SCAPER: variants seen among roughly 807,000 people sequenced by gnomAD.
The protein encoded by SCAPER is S phase cyclin A-associated protein in the endoplasmic reticulum.
Under a neutral mutation model 182.2 loss-of-function variants are expected in SCAPER, and 98 were observed. That is an observed-to-expected ratio of 0.54 (90% CI 0.46 to 0.64). SCAPER has a LOEUF of 0.64. Among genes scored for constraint, SCAPER ranks in the 30% least tolerant of loss-of-function variants. SCAPER has a pLI of 0.00. For synonymous variants in SCAPER, 605 were observed against 564.6 expected, an observed-to-expected ratio of 1.07 and a Z score of -1.01; for missense variants, 1,432 against 1,690.0, an observed-to-expected ratio of 0.85 and a Z score of 2.68.
At chr15:76,357,184 A>ACACACACACACACACACACC (rs1485814475) in intron 29 of SCAPER, among the ~76,000 whole-genome samples, 6 of 151,388 alleles carry the variant, frequency 4.0e-5, no homozygotes, top group Non-Finnish European at 5.9e-5. Flanking sequence ...ACACACACAC[A>ACACACACACACACACACACC]CACACCCCTA....
chr15:76,865,397 ACTT>A (rs914470603), intron 2 of SCAPER, among the ~76,000 whole-genome samples: 4 of 152,182 alleles, frequency 2.6e-5, no homozygotes, highest in Admixed American at 2.6e-4. Flanking sequence ...TAAATTGGTA[ACTT>A]ATTGCCTATT....
At chr15:76,543,977 C>G (rs545694761) in intron 23 of SCAPER, among the ~76,000 whole-genome samples, 1 of 152,124 alleles carries the variant, frequency 6.6e-6, no homozygotes, top group Non-Finnish European at 1.5e-5. Context: ...AAAAGGACAC[C>G]TACAACTCAA....
intron 23 of SCAPER, among the ~76,000 whole-genome samples, chr15:76,553,386 G>A (rs1041513619): frequency 2.0e-5 from 3 of 152,166 alleles, no homozygotes; most frequent in African/African-American, 4.8e-5. Flanking sequence ...TGGCCAACAC[G>A]TGGACACCCC....
rs527798813 is a variant in SCAPER at position 76,897,909 on chromosome 15, T to G, written c.-60+7390A>C. 2.0e-5 allele frequency among the ~76,000 whole-genome samples: 3 copies of G among 152,186 alleles called. No homozygotes were observed. In the East Asian group the frequency reaches 5.8e-4, roughly 29 times the overall value. Reference sequence around the variant, plus strand: ...AAATTCCAGATATTTCCAGGTGCACTTAGGTAAACAGGTACTACAATGTAA... The same window carrying G: ...AAATTCCAGATATTTCCAGGTGCACGTAGGTAAACAGGTACTACAATGTAA... On this transcript the variant is annotated intron_variant, in intron 1 of 31. Coordinates refer to ENST00000563290, the MANE Select transcript of SCAPER (RefSeq NM_020843.4).
At chr15:76,850,979 G>A (rs928797941) in intron 4 of SCAPER, among the ~76,000 whole-genome samples, 4 of 151,526 alleles carry the variant, frequency 2.6e-5, no homozygotes, top group Non-Finnish European at 5.9e-5. Context: ...GGACAATACA[G>A]GAGCTAAGAA....
At chr15:76,616,124 C>G (rs138893914) in intron 22 of SCAPER, among the ~76,000 whole-genome samples, 1 of 152,176 alleles carries the variant, frequency 6.6e-6, no homozygotes, top group East Asian at 1.9e-4. Context: ...AATTCTACTT[C>G]TGGATATATA....
chr15:76,575,394 T>G (rs1340680390), intron 22 of SCAPER, among the ~76,000 whole-genome samples: 1 of 152,174 alleles, frequency 6.6e-6, no homozygotes, highest in Non-Finnish European at 1.5e-5. Context: ...TTCCTTTCTC[T>G]CTTTTGCTTT....
At chr15:76,788,678 G>C (rs139126146) in intron 8 of SCAPER, among the ~76,000 whole-genome samples, 2 of 151,916 alleles carry the variant, frequency 1.3e-5, no homozygotes, top group South Asian at 4.1e-4. Context: ...TCATAGATAC[G>C]GACTTTGAAA....
intron 28 of SCAPER, among the ~76,000 whole-genome samples, chr15:76,376,887 C>G (rs2042605023): frequency 6.6e-6 from 1 of 152,108 alleles, no homozygotes; most frequent in East Asian, 1.9e-4. Context: ...CATGAAATCC[C>G]TCAGCTATGG....
At chr15:76,542,708 C>T (rs934970295) in intron 23 of SCAPER, among the ~76,000 whole-genome samples, 4 of 151,902 alleles carry the variant, frequency 2.6e-5, no homozygotes, top group African/African-American at 9.6e-5. Flanking sequence ...AAGAATTTTG[C>T]TTTTTTTACT....
intron 21 of SCAPER, among the ~76,000 whole-genome samples, chr15:76,646,940 A>G (rs1359951375): frequency 6.6e-6 from 1 of 152,212 alleles, no homozygotes; most frequent in Non-Finnish European, 1.5e-5. Context: ...TACCTGTATC[A>G]TGAAACCTGG....
chr15:76,456,844 C>A (rs1409190580), intron 25 of SCAPER, among the ~76,000 whole-genome samples: 1 of 152,132 alleles, frequency 6.6e-6, no homozygotes, highest in Non-Finnish European at 1.5e-5. Context: ...TATTAATAGG[C>A]AATGCCTCTT....
chr15:76,445,667 T>C (rs2047948406), intron 25 of SCAPER, among the ~76,000 whole-genome samples: 1 of 152,090 alleles, frequency 6.6e-6, no homozygotes. Flanking sequence ...GGGGATGGGA[T>C]AGGGCTTGTT....
intron 20 of SCAPER, among the ~76,000 whole-genome samples, chr15:76,673,598 G>A (rs183278864): frequency 2.4e-4 from 36 of 152,150 alleles, no homozygotes; most frequent in Middle Eastern, 3.4e-3. Context: ...TGCAGAGGAG[G>A]CTGAACAGAC....
intron 2 of SCAPER, among the ~76,000 whole-genome samples, chr15:76,876,813 A>G (rs2073196771): frequency 2.6e-5 from 4 of 152,234 alleles, no homozygotes; most frequent in Admixed American, 2.6e-4. Flanking sequence ...TCCATTCAAT[A>G]TTATATTGAA....
At position 76,602,708 on chromosome 15, in the gene SCAPER, T is replaced by C. The variant is rs1171884492; in HGVS notation, c.2711+19056A>G. Among the ~76,000 whole-genome samples the C allele has an allele frequency of 2.5e-5, 3 of 120,450 alleles. 1 individual carries two copies. The highest frequency in any genetic ancestry group is 6.0e-5 in the Non-Finnish European group (3 of 49,852). The allele number at this position is 120,450 out of a possible 152,430, so 79.0% of individuals were successfully genotyped here. On this transcript the variant is annotated intron_variant, in intron 22 of 31. Coordinates refer to ENST00000563290, the MANE Select transcript of SCAPER (RefSeq NM_020843.4). ...TCCCTTCTGGTATCCCAATTACATG[T>C]ACGTTATACCTTTTTGCAGTTGTCC...
intron 28 of SCAPER, 32 bp downstream of exon 28, chr15:76,381,346 G>T: frequency 1.3e-6 from 2 of 1,559,656 alleles, no homozygotes; most frequent in Non-Finnish European, 1.8e-6. Context: ...ACTCTTGATT[G>T]GTTAACATCG....
chr15:76,786,633 C>T (rs1306389740), intron 8 of SCAPER, among the ~76,000 whole-genome samples: 1 of 152,010 alleles, frequency 6.6e-6, no homozygotes, highest in Non-Finnish European at 1.5e-5. Context: ...CAATATAGTA[C>T]TGAACATTCT....
intron 20 of SCAPER, among the ~76,000 whole-genome samples, chr15:76,691,080 AAAAATATTAG>A (rs1183812843): frequency 1.3e-5 from 2 of 152,122 alleles, no homozygotes; most frequent in Non-Finnish European, 2.9e-5. Context: ...TTAAAAAAGT[AAAAATATTAG>A]AAAATACCTT....
Sources: gnomAD v4.1 joint callset for allele counts (sites outside exome capture counted in the v4.1 genomes callset) on GRCh38, gnomAD v4.1.1 for gene constraint, MANE v1.5 for transcripts, NCBI Gene and HGNC (gene_info 2026-07-23, HGNC 2026-07-21) for gene names.